Variants in KATNAL2 observed in about 807,000 individuals in gnomAD.
KATNAL2 encodes katanin catalytic subunit A1 like 2.
Under a neutral mutation model 76.3 loss-of-function variants are expected in KATNAL2, and 52 were observed. The observed-to-expected ratio is 0.68, with a 90% CI of 0.55 to 0.86. KATNAL2 has a LOEUF of 0.86. Among genes scored for constraint, KATNAL2 ranks in the 40% least tolerant of loss-of-function variants. KATNAL2 has a pLI of 0.00. For missense variants in KATNAL2, 660 were observed against 668.9 expected (o/e 0.99, Z 0.15); for synonymous variants, 243 against 244.2 (o/e 1.00, Z 0.05).
At chr18:47,075,879 A>G (rs776403739) in intron 14 of KATNAL2, among the ~76,000 whole-genome samples, 2 of 152,238 alleles carry the variant, frequency 1.3e-5, no homozygotes, top group Non-Finnish European at 2.9e-5. Context: ...TAAATATGTT[A>G]CATATATTAT....
chr18:46,967,744 A>G lies in KATNAL2; in HGVS notation c.51+20821A>G, dbSNP rs2060175225. On this transcript the variant is annotated intron_variant, in intron 3 of 17. Transcript: ENST00000683218. ...ATGGTAATTAGAAACTCTGCTTGGC[A>G]GGTTTAGACTTCCTGATCGAGAACC... is the stretch of plus-strand genomic sequence containing the variant. Among the ~76,000 whole-genome samples, 7 of 113,842 alleles carry G rather than the reference A, an allele frequency of 6.1e-5. No homozygotes were observed. In the South Asian group the frequency reaches 1.8e-3, roughly 30 times the overall value. 74.7% of individuals were successfully genotyped at this position (113,842 alleles called of 152,430 possible). A position where few individuals can be genotyped will look rare whatever the true frequency, so the allele number is the denominator to read the frequency against.
chr18:47,064,975 C>T (rs112109284), intron 10 of KATNAL2, among the ~76,000 whole-genome samples: 10 of 152,076 alleles, frequency 6.6e-5, no homozygotes, highest in African/African-American at 2.2e-4. Flanking sequence ...GCTTTTAATA[C>T]CTAGGTAAAT....
intron 1 of KATNAL2, among the ~76,000 whole-genome samples, chr18:46,925,189 G>T (rs574968468): frequency 6.6e-5 from 10 of 152,246 alleles, no homozygotes; most frequent in African/African-American, 2.4e-4. Context: ...TCCAGTTTTT[G>T]CCCATTCAGT....
intron 1 of KATNAL2, among the ~76,000 whole-genome samples, chr18:46,931,106 T>TAAC (rs2058899528): frequency 1.0e-5 from 1 of 99,324 alleles, no homozygotes; most frequent in Non-Finnish European, 2.1e-5. Context: ...TCTCAGGAAA[T>TAAC]AATAATAATA....
chr18:46,950,173 T>C (rs1368374568), intron 3 of KATNAL2, among the ~76,000 whole-genome samples: 2 of 152,250 alleles, frequency 1.3e-5, no homozygotes, highest in Non-Finnish European at 2.9e-5. Context: ...GTTGCTTGCA[T>C]GTAACAGATA....
At chr18:47,098,273 T>A in intron 15 of KATNAL2, 2 of 345,908 alleles carry the variant, frequency 5.8e-6, no homozygotes, top group South Asian at 2.3e-5. Flanking sequence ...TGAAGACATA[T>A]CCAAGACTGG....
chr18:47,061,864 A>ATT (rs77869357), intron 8 of KATNAL2, among the ~76,000 whole-genome samples: 16 of 123,370 alleles, frequency 1.3e-4, no homozygotes, highest in African/African-American at 2.4e-4. Context: ...TATTATTATT[A>ATT]TTTTTTTTTT....
chr18:47,054,694 G>T (rs1272453311), intron 6 of KATNAL2: 3 of 421,772 alleles, frequency 7.1e-6, no homozygotes, highest in Non-Finnish European at 1.3e-5. Context: ...GGTATGAAAA[G>T]TCTTAACCTC....
intron 4 of KATNAL2, among the ~76,000 whole-genome samples, chr18:47,046,782 C>T (rs928716540): frequency 6.6e-6 from 1 of 152,126 alleles, no homozygotes; most frequent in Admixed American, 6.6e-5. Context: ...CCATAGTTTA[C>T]ATTAGGGTAT....
chr18:46,950,671 A>C (rs1325162109), intron 3 of KATNAL2, among the ~76,000 whole-genome samples: 1 of 152,070 alleles, frequency 6.6e-6, no homozygotes, highest in Non-Finnish European at 1.5e-5. Flanking sequence ...GCTTCTTCAA[A>C]ATAACATGTT....
chr18:46,929,241 T>C (rs2058830654), intron 1 of KATNAL2, among the ~76,000 whole-genome samples: 1 of 150,910 alleles, frequency 6.6e-6, no homozygotes, highest in Non-Finnish European at 1.5e-5. Flanking sequence ...TTCAATTCTT[T>C]TTTTGTTTTT....
intron 17 of KATNAL2, among the ~76,000 whole-genome samples, 153 bp downstream of exon 17, chr18:47,100,509 G>C (rs567858068): frequency 3.9e-5 from 6 of 152,312 alleles, no homozygotes; most frequent in African/African-American, 1.4e-4. Flanking sequence ...ATTCCTCCGT[G>C]GGTGTTCTGA....
intron 10 of KATNAL2, 55 bp from the exon 11 acceptor site, chr18:47,066,966 T>G: frequency 4.1e-6 from 4 of 973,284 alleles, no homozygotes; most frequent in South Asian, 3.7e-5. Flanking sequence ...CCAAGTTTAT[T>G]ACAGCTGTAG....
At chr18:46,917,985 G>A (rs958068026) in intron 1 of KATNAL2, 59 bp downstream of exon 1, 1 of 152,160 alleles carries the variant, frequency 6.6e-6, no homozygotes, top group Admixed American at 6.5e-5. Context: ...AATTGCTAAT[G>A]TCCTGCAAGT....
intron 3 of KATNAL2, among the ~76,000 whole-genome samples, chr18:46,950,360 G>A (rs1443165110): frequency 6.6e-6 from 1 of 152,150 alleles, no homozygotes; most frequent in Non-Finnish European, 1.5e-5. Flanking sequence ...AGGAGGGGAT[G>A]TGATCCAGTG....
chr18:47,034,718 C>G, intron 3 of KATNAL2: 1 of 1,612,962 alleles, frequency 6.2e-7, no homozygotes, highest in African/African-American at 1.3e-5. Flanking sequence ...GGCTCAGGGC[C>G]CTCGGGCATC....
At position 47,039,029 on chromosome 18, in the gene KATNAL2, G is replaced by A. The variant is rs1356973396; in HGVS notation, c.52-7428G>A. On this transcript the variant is annotated intron_variant, in intron 3 of 17. Coordinates refer to ENST00000683218, the MANE Select transcript of KATNAL2 (RefSeq NM_001387690.1). ...CTCTGTCTGGGGGCTGAAAAAGCAG[G>A]CCCTCATGGTGCTGTGTGTGATAAC... Among the ~76,000 whole-genome samples, 3 of 152,192 alleles carry A rather than the reference G, an allele frequency of 2.0e-5. No individual in the cohort carries two copies. In the East Asian group the frequency reaches 5.8e-4, roughly 29 times the overall value.
chr18:47,040,816 T>C (rs891188200), intron 3 of KATNAL2, among the ~76,000 whole-genome samples: 15 of 152,216 alleles, frequency 9.9e-5, no homozygotes, highest in Admixed American at 9.8e-4. Context: ...AAAATGTGTT[T>C]TTTTCTCATG....
At chr18:47,087,248 A>G (rs997500787) in intron 15 of KATNAL2, among the ~76,000 whole-genome samples, 48 of 152,204 alleles carry the variant, frequency 3.2e-4, no homozygotes, top group Non-Finnish European at 5.4e-4. Context: ...ATGCTTTATT[A>G]TTATTTGAAA....
Sources: gnomAD v4.1 joint callset for allele counts (sites outside exome capture counted in the v4.1 genomes callset) on GRCh38, gnomAD v4.1.1 for gene constraint, MANE v1.5 for transcripts, NCBI Gene and HGNC (gene_info 2026-07-23, HGNC 2026-07-21) for gene names.